Variants in TPRG1 observed in about 807,000 individuals in gnomAD.
TPRG1 encodes the protein tumor protein p63 regulated 1, also known as tumor protein p63-regulated gene 1 protein.
Under a neutral mutation model 29.3 loss-of-function variants are expected in TPRG1, and 29 were observed. The ratio of observed to expected loss-of-function variants is 0.99; its 90% CI spans 0.74 to 1.35. The LOEUF is 1.35. Ranked by LOEUF, TPRG1 falls within the 40% of genes most tolerant of loss-of-function variation. The probability of loss-of-function intolerance (pLI) is 0.00; values close to 1 mark genes in which losing one functional copy is unlikely to be tolerated. For synonymous variants in TPRG1, 130 were observed against 116.8 expected (o/e 1.11, Z -0.73); for missense variants, 327 against 335.0 (o/e 0.98, Z 0.19).
At chr3:189,246,254 G>T (rs142484196) in intron 4 of TPRG1, among the ~76,000 whole-genome samples, 3 of 151,992 alleles carry the variant, frequency 2.0e-5, no homozygotes, top group Non-Finnish European at 4.4e-5. Flanking sequence ...TTCACCTTCC[G>T]CTATGATTAT....
intron 3 of TPRG1, among the ~76,000 whole-genome samples, chr3:189,142,771 C>T (rs1214630815): frequency 2.0e-5 from 3 of 152,204 alleles, no homozygotes; most frequent in Non-Finnish European, 1.5e-5. Flanking sequence ...ACTGAGATCA[C>T]AGAAACCAGA....
chr3:189,027,426 C>T (rs1447645219), intron 4 of TPRG1, among the ~76,000 whole-genome samples: 1 of 152,186 alleles, frequency 6.6e-6, no homozygotes, highest in Non-Finnish European at 1.5e-5. Context: ...CAGAACTATG[C>T]TGAAAATCTC....
intron 5 of TPRG1, among the ~76,000 whole-genome samples, chr3:189,151,508 TAAGA>T (rs2108601067): frequency 6.6e-6 from 1 of 152,110 alleles, no homozygotes; most frequent in Non-Finnish European, 1.5e-5. Context: ...CCTTTGGTTG[TAAGA>T]AAGAGAAACC....
intron 3 of TPRG1, among the ~76,000 whole-genome samples, chr3:189,007,597 C>T (rs1356550842): frequency 4.6e-5 from 7 of 151,368 alleles, no homozygotes; most frequent in Admixed American, 1.3e-4. Flanking sequence ...TACATGCACA[C>T]GTATGTTTAT....
chr3:189,085,064 A>T (rs1053956123), intron 4 of TPRG1, among the ~76,000 whole-genome samples: 1 of 152,234 alleles, frequency 6.6e-6, no homozygotes, highest in Admixed American at 6.5e-5. Context: ...TGTGCTGTTT[A>T]ACAAATGAGG....
At chr3:189,288,126 T>TG (rs1718386539) in intron 4 of TPRG1, among the ~76,000 whole-genome samples, 1 of 151,760 alleles carries the variant, frequency 6.6e-6, no homozygotes, top group Admixed American at 6.6e-5. Context: ...GTGTGTGTGG[T>TG]TGTGTGTGTA....
chr3:189,282,267 G>A (rs1026096201), intron 4 of TPRG1, among the ~76,000 whole-genome samples: 1 of 150,366 alleles, frequency 6.7e-6, no homozygotes, highest in African/African-American at 2.5e-5. Flanking sequence ...TTAGGCATCA[G>A]TGGATAACAT....
intron 4 of TPRG1, among the ~76,000 whole-genome samples, chr3:189,287,662 G>C (rs1265037358): frequency 2.6e-5 from 4 of 152,142 alleles, no homozygotes; most frequent in Middle Eastern, 3.2e-3. Flanking sequence ...CTCCCAAAGT[G>C]CTGGGATTAC....
At chr3:189,237,898 G>A (rs561946123) in intron 3 of TPRG1, among the ~76,000 whole-genome samples, 33 of 152,272 alleles carry the variant, frequency 2.2e-4, no homozygotes, top group Non-Finnish European at 3.5e-4. Context: ...TGTAAGTCTC[G>A]AAGTGCTGTA....
In TPRG1 at chr3:189,321,683, T is replaced by G. The variant is rs1724330119; in HGVS notation, c.*863T>G. The G allele has an allele frequency of 6.6e-6, 1 of 152,146 alleles. No individual in the cohort carries two copies. Among genetic ancestry groups the G allele is most frequent in the African/African-American group, 2.4e-5 (1 of 41,448 alleles). 9.4% of individuals were successfully genotyped at this position (152,146 alleles called of 1,614,324 possible). A position where few individuals can be genotyped will look rare whatever the true frequency, so the allele number is the denominator to read the frequency against. Reference sequence around the variant, plus strand: ...TGTTTCAATCTATCCTACACTTGGTTTCTAGCTCATTTACTTATACCATCT... The same window carrying G: ...TGTTTCAATCTATCCTACACTTGGTGTCTAGCTCATTTACTTATACCATCT... On this transcript the variant is annotated 3_prime_UTR_variant, in exon 6 of 6. Transcript: ENST00000345063.
chr3:189,268,828 C>G (rs550478480), intron 4 of TPRG1, among the ~76,000 whole-genome samples: 3 of 152,318 alleles, frequency 2.0e-5, no homozygotes, highest in South Asian at 2.1e-4. Context: ...TTTTCTGGAA[C>G]CTGAAGCACC....
At chr3:189,268,352 G>C (rs1363068308) in intron 4 of TPRG1, among the ~76,000 whole-genome samples, 1 of 152,164 alleles carries the variant, frequency 6.6e-6, no homozygotes, top group Non-Finnish European at 1.5e-5. Flanking sequence ...AAATCTCCGT[G>C]GGGAGGCGTT....
upstream of TPRG1, among the ~76,000 whole-genome samples, chr3:189,170,435 G>A (rs1035145052): frequency 6.6e-6 from 1 of 152,080 alleles, no homozygotes; most frequent in East Asian, 1.9e-4. Context: ...TTAACAGCCC[G>A]GATCTAATGC....
chr3:189,050,777 C>T (rs746535934), intron 4 of TPRG1, among the ~76,000 whole-genome samples: 11 of 152,136 alleles, frequency 7.2e-5, no homozygotes, highest in South Asian at 2.1e-4. Flanking sequence ...GATGGTTTAA[C>T]GTACACAAGT....
At chr3:189,065,606 AT>A (rs1265824148) in intron 4 of TPRG1, among the ~76,000 whole-genome samples, 1 of 152,132 alleles carries the variant, frequency 6.6e-6, no homozygotes, top group Non-Finnish European at 1.5e-5. Flanking sequence ...ATATTTCACA[AT>A]ATCAAACATT....
At chr3:189,243,721 G>C (rs1026706850) in intron 4 of TPRG1, among the ~76,000 whole-genome samples, 1 of 152,146 alleles carries the variant, frequency 6.6e-6, no homozygotes, top group Non-Finnish European at 1.5e-5. Flanking sequence ...TCTTCCACTA[G>C]ATAATCCTAA....
intron 3 of TPRG1, among the ~76,000 whole-genome samples, chr3:189,015,486 G>C (rs1712881034): frequency 6.6e-6 from 1 of 152,206 alleles, no homozygotes; most frequent in South Asian, 2.1e-4. Context: ...ATTTGCATAA[G>C]TAAAGAGGAG....
intron 5 of TPRG1, among the ~76,000 whole-genome samples, chr3:189,165,045 C>T (rs1207755848): frequency 2.0e-5 from 3 of 152,110 alleles, no homozygotes; most frequent in Non-Finnish European, 2.9e-5. Context: ...CATTTTTACC[C>T]TTATTACTGT....
intron 1 of TPRG1, among the ~76,000 whole-genome samples, chr3:189,193,590 T>C (rs1732060693): frequency 6.7e-6 from 1 of 148,698 alleles, no homozygotes; most frequent in Non-Finnish European, 1.5e-5. Context: ...TTGTAAGCTT[T>C]CCTCACTCCT....
Sources: allele counts gnomAD v4.1 joint callset (sites outside exome capture counted in the v4.1 genomes callset), GRCh38; gene constraint gnomAD v4.1.1; transcripts MANE v1.5; gene names NCBI Gene and HGNC (gene_info 2026-07-23, HGNC 2026-07-21).